The following TPX2 variants were observed in gnomAD, a reference collection of about 807,000 sequenced individuals.
TPX2 encodes targeting protein for Xklp2.
A neutral mutation model predicts 93.6 loss-of-function variants in TPX2; 21 were observed. That is an observed-to-expected ratio of 0.22 (90% CI 0.16 to 0.32). The LOEUF (loss-of-function observed/expected upper bound fraction) is 0.32. Ranked by LOEUF, TPX2 falls within the 10% of genes least tolerant of loss-of-function variation. TPX2 has a pLI of 1.00. For synonymous variants in TPX2, 281 were observed against 298.3 expected, an observed-to-expected ratio of 0.94 and a Z score of 0.60; for missense variants, 776 against 871.1, an observed-to-expected ratio of 0.89 and a Z score of 1.37.
intron 17 of TPX2, 95 bp from the exon 18 acceptor site, chr20:31,800,873 ACT>A (rs2062166897): frequency 2.9e-6 from 3 of 1,042,010 alleles, no homozygotes; most frequent in Non-Finnish European, 2.9e-6. Flanking sequence ...GACCTGTAAA[ACT>A]CTACAAACAT....
At chr20:31,754,281 A>G (rs2061838288) in intron 2 of TPX2, among the ~76,000 whole-genome samples, 1 of 151,814 alleles carries the variant, frequency 6.6e-6, no homozygotes, top group Non-Finnish European at 1.5e-5. Context: ...GAGTTTCACC[A>G]TGTTGGCCAG....
intron 5 of TPX2, among the ~76,000 whole-genome samples, chr20:31,769,913 C>A (rs984971855): frequency 6.6e-5 from 10 of 152,116 alleles, no homozygotes; most frequent in Non-Finnish European, 1.2e-4. Flanking sequence ...TTCTTCCGCC[C>A]CAGCTTCCTA....
At chr20:31,779,012 G>T (rs767595206) in intron 10 of TPX2, 28 bp downstream of exon 10, 1 of 1,533,534 alleles carries the variant, frequency 6.5e-7, no homozygotes, top group Non-Finnish European at 8.7e-7. Flanking sequence ...ATCACAGTTG[G>T]ATGGAACCTC....
chr20:31,782,784 TA>T (rs1225808390), intron 11 of TPX2, among the ~76,000 whole-genome samples: 13 of 151,854 alleles, frequency 8.6e-5, no homozygotes, highest in African/African-American at 2.2e-4. Context: ...TCCCACCTAC[TA>T]GGGGGCAGCC....
At chr20:31,777,420 T>C in intron 8 of TPX2, 67 bp from the exon 9 acceptor site, 1 of 1,553,474 alleles carries the variant, frequency 6.4e-7, no homozygotes, top group Non-Finnish European at 8.7e-7. Context: ...AGGACTGGAG[T>C]AAAGGGGATT....
intron 12 of TPX2, among the ~76,000 whole-genome samples, chr20:31,784,527 A>T (rs549319209): frequency 6.6e-6 from 1 of 152,204 alleles, no homozygotes; most frequent in Non-Finnish European, 1.5e-5. Context: ...ACCTCATTAT[A>T]TGCCTCTCCA....
In TPX2 at chr20:31,801,230, G is replaced by A; in HGVS notation, c.*150G>A. 1.6e-6 allele frequency: 1 copy of A among 615,656 alleles called. No individual in the cohort carries two copies. The highest frequency in any genetic ancestry group is 2.8e-5 in the East Asian group (1 of 35,962). The allele number at this position is 615,656 out of a possible 1,614,324, so 38.1% of individuals were successfully genotyped here. A position where few individuals can be genotyped will look rare whatever the true frequency, so the allele number is the denominator to read the frequency against. ...GCCTGAGAAAGCATACTTGACAACT[G>A]TGGACTCCAGTTTTGTTGAGAATTG... On this transcript the variant is annotated 3_prime_UTR_variant, in exon 18 of 18. Transcript: ENST00000300403.
intron 17 of TPX2, among the ~76,000 whole-genome samples, chr20:31,799,593 T>C (rs2062157652): frequency 6.6e-6 from 1 of 152,096 alleles, no homozygotes; most frequent in Non-Finnish European, 1.5e-5. Context: ...ATATACAGTG[T>C]TATCTGTCAA....
chr20:31,784,063 G>T, intron 12 of TPX2, 142 bp downstream of exon 12: 1 of 924,254 alleles, frequency 1.1e-6, no homozygotes, highest in Non-Finnish European at 1.6e-6. Flanking sequence ...ATCGGAAGTG[G>T]ATTTTGCTTT....
At chr20:31,785,716 T>A (rs2062061954) in intron 12 of TPX2, among the ~76,000 whole-genome samples, 1 of 152,196 alleles carries the variant, frequency 6.6e-6, no homozygotes, top group Non-Finnish European at 1.5e-5. Context: ...CCGGCTGGTC[T>A]CGAACTCCTG....
At chr20:31,748,994 G>A (rs941746366) in intron 2 of TPX2, among the ~76,000 whole-genome samples, 4 of 149,038 alleles carry the variant, frequency 2.7e-5, no homozygotes, top group Non-Finnish European at 5.9e-5. Flanking sequence ...TGCCCAGGCT[G>A]GAGTGCAGTG....
intron 7 of TPX2, among the ~76,000 whole-genome samples, 177 bp downstream of exon 7, chr20:31,771,859 A>T (rs2061966260): frequency 6.6e-6 from 1 of 151,920 alleles, no homozygotes; most frequent in Admixed American, 6.6e-5. Flanking sequence ...TTATTTAATT[A>T]ATTAATTTTA....
At chr20:31,791,287 A>T (rs572416571) in intron 12 of TPX2, among the ~76,000 whole-genome samples, 1 of 152,168 alleles carries the variant, frequency 6.6e-6, no homozygotes, top group South Asian at 2.1e-4. Flanking sequence ...TTAAAGAATT[A>T]ATTTTTTTTT....
At chr20:31,740,337 C>G (rs959501361) in intron 1 of TPX2, among the ~76,000 whole-genome samples, 3 of 152,194 alleles carry the variant, frequency 2.0e-5, no homozygotes, top group Non-Finnish European at 2.9e-5. Flanking sequence ...CCTGTGGCCT[C>G]TCTTTGAATT....
At chr20:31,754,913 AGAAGACATCTG>A (rs1210769241) in intron 2 of TPX2, among the ~76,000 whole-genome samples, 1 of 152,050 alleles carries the variant, frequency 6.6e-6, no homozygotes, top group Admixed American at 6.6e-5. Context: ...TATATGAGGG[AGAAGACATCTG>A]GAATAGTGTA....
intron 4 of TPX2, among the ~76,000 whole-genome samples, chr20:31,764,552 C>A (rs1420132791): frequency 6.6e-6 from 1 of 152,074 alleles, no homozygotes; most frequent in Non-Finnish European, 1.5e-5. Context: ...TTAATATAGC[C>A]ACTCTAGTTT....
chr20:31,794,583 G>T (rs1444058856), intron 15 of TPX2, 35 bp downstream of exon 15: 1 of 1,607,898 alleles, frequency 6.2e-7, no homozygotes, highest in East Asian at 2.2e-5. Flanking sequence ...AATGTTAATT[G>T]CTTGGTTGGT....
rs201973506 is a variant in TPX2, at chr20:31,777,583, A to G, written c.827A>G (p.Glu276Gly). The G allele has an allele frequency of 2.7e-5, 43 of 1,614,202 alleles. No individual in the cohort carries two copies. In the Middle Eastern group the frequency reaches 4.9e-4, roughly 19 times the overall value. Residue 276 changes from glutamate (E) to glycine (G), a missense_variant, in exon 9 of 18, where the codon GAG becomes GGG. This residue lies in a region of TPX2 where 279 missense variants were observed against 261.6 expected (regional missense o/e 1.07). Transcript: ENST00000300403. ...ATCAAACAACATCCTAAGAACCAGG[A>G]GGAATATAAGGAAGTGAACTTTACA... ...ERIKQHPKNQ[E>G]EYKEVNFTSE...
chr20:31,774,457 T>A (rs1334150718), intron 7 of TPX2, among the ~76,000 whole-genome samples: 1 of 152,210 alleles, frequency 6.6e-6, no homozygotes, highest in African/African-American at 2.4e-5. Context: ...CCTATAAGTG[T>A]CCTTGGTGAT....
Sources: allele counts gnomAD v4.1 joint callset (sites outside exome capture counted in the v4.1 genomes callset), GRCh38; gene constraint gnomAD v4.1.1; regional missense constraint gnomAD v4.1.1; transcripts MANE v1.5; gene names NCBI Gene and HGNC (gene_info 2026-07-23, HGNC 2026-07-21).